ARHGEF26: variants seen among roughly 807,000 people sequenced by gnomAD.
ARHGEF26 encodes Rho guanine nucleotide exchange factor 26, also known as Rho guanine nucleotide exchange factor (GEF) 26.
ARHGEF26 carries 59 observed loss-of-function variants against 89.4 expected under a neutral mutation model. The observed-to-expected ratio is 0.66, with a 90% CI of 0.54 to 0.82. The LOEUF (loss-of-function observed/expected upper bound fraction) is 0.82, where lower values mean the gene tolerates loss of function less well. ARHGEF26 is among the 40% of genes least tolerant of loss of function. ARHGEF26 has a pLI of 0.00. For synonymous variants in ARHGEF26, 500 were observed against 428.4 expected (o/e 1.17, Z -2.06); for missense variants, 1,234 against 1,085.6 (o/e 1.14, Z -1.92).
intron 4 of ARHGEF26, among the ~76,000 whole-genome samples, chr3:154,137,413 A>C (rs138902228): frequency 2.9e-4 from 44 of 152,176 alleles, no homozygotes; most frequent in Non-Finnish European, 4.9e-4. Context: ...CTTAGCCTCT[A>C]TAACTGTAGG....
At chr3:154,226,660 T>TAC (rs3029724) in intron 11 of ARHGEF26, among the ~76,000 whole-genome samples, 5,701 of 148,070 alleles carry the variant, frequency 0.039, 129 homozygotes, top group African/African-American at 0.07. Context: ...GTTTCTGTTC[T>TAC]ACACACACAC....
chr3:154,122,991 G>A lies in ARHGEF26; in HGVS notation c.999G>A (p.Ser333=). 4 of 1,613,432 alleles carry A rather than the reference G, an allele frequency of 2.5e-6. No individual in the cohort carries two copies. The highest frequency in any genetic ancestry group is 3.4e-6 in the Non-Finnish European group (4 of 1,179,528). The change falls in exon 2 of 15, where the codon TCG becomes TCA. Residue 333 remains serine, a synonymous_variant. Transcript: ENST00000465093. ...TTGATTTTGACAGTCCTACCAGCTC[G>A]AAGAAGAAGAACAGAATGTCCCAGC... ...SGFDFDSPTS[S]KKKNRMSQPV...
intron 3 of ARHGEF26, among the ~76,000 whole-genome samples, chr3:154,126,030 A>C (rs1718311426): frequency 6.6e-6 from 1 of 152,176 alleles, no homozygotes; most frequent in South Asian, 2.1e-4. Flanking sequence ...ACTGTTGCCT[A>C]AGTTGTTGTG....
Position 154,152,769 on chromosome 3 carries a change from C to A in ARHGEF26, c.1327-3C>A. 1.4e-6 allele frequency: 2 copies of A among 1,458,064 alleles called. No homozygotes were observed. Among genetic ancestry groups the A allele is most frequent in the Non-Finnish European group, 1.8e-6 (2 of 1,103,474 alleles). The allele number at this position is 1,458,064 out of a possible 1,614,324, so 90.3% of individuals were successfully genotyped here. ...TAATACATTTCTTTTTCCTTCTTAC[C>A]AGGCTATCTTTGAAGTCATATCCTC... On this transcript the variant is annotated splice_region_variant and splice_polypyrimidine_tract_variant and intron_variant, in intron 5 of 14. Coordinates refer to ENST00000465093, the MANE Select transcript of ARHGEF26 (RefSeq NM_015595.4).
chr3:154,136,926 GGCTCACATTTA>G (rs1719045638), intron 4 of ARHGEF26, among the ~76,000 whole-genome samples: 3 of 152,000 alleles, frequency 2.0e-5, no homozygotes, highest in African/African-American at 7.3e-5. Context: ...TTTTATAACT[GGCTCACATTTA>G]GCTCACATCA....
Position 154,149,460 on chromosome 3 carries a change from A to G in ARHGEF26, c.1326+15A>G. 6.2e-7 allele frequency: 1 copy of G among 1,601,280 alleles called. No individual in the cohort carries two copies. Among genetic ancestry groups the G allele is most frequent in the Non-Finnish European group, 8.5e-7 (1 of 1,173,142 alleles). On this transcript the variant is annotated intron_variant, in intron 5 of 14. Transcript: ENST00000465093. ...AGAGACAAGAGGTATGTTTCTACCG[A>G]GCAGCTGCTTTAGAGCTCTGGAGTG...
chr3:154,177,125 T>G (rs1357012698), intron 6 of ARHGEF26, among the ~76,000 whole-genome samples: 1 of 152,218 alleles, frequency 6.6e-6, no homozygotes, highest in African/African-American at 2.4e-5. Context: ...AATTACTGAT[T>G]GGCAGCAGGA....
At chr3:154,193,168 C>A (rs927612017) in intron 8 of ARHGEF26, among the ~76,000 whole-genome samples, 1 of 152,118 alleles carries the variant, frequency 6.6e-6, no homozygotes, top group Non-Finnish European at 1.5e-5. Flanking sequence ...TGCCTGCTCT[C>A]AGGGACATAA....
At chr3:154,148,940 C>T (rs1246616675) in intron 4 of ARHGEF26, among the ~76,000 whole-genome samples, 1 of 152,106 alleles carries the variant, frequency 6.6e-6, no homozygotes, top group Non-Finnish European at 1.5e-5. Context: ...CTTAGTGATG[C>T]TAGCCCAACC....
At chr3:154,146,799 A>G (rs1352273160) in intron 4 of ARHGEF26, among the ~76,000 whole-genome samples, 1 of 152,244 alleles carries the variant, frequency 6.6e-6, no homozygotes, top group Non-Finnish European at 1.5e-5. Context: ...ATCCACTTAA[A>G]ATGCTGAAGA....
chr3:154,242,903 T>G (rs1301065385), intron 12 of ARHGEF26, among the ~76,000 whole-genome samples: 1 of 152,130 alleles, frequency 6.6e-6, no homozygotes, highest in Non-Finnish European at 1.5e-5. Context: ...GTTCTTCCCC[T>G]AAAGGTGCTG....
At chr3:154,210,840 G>A (rs1715318156) in intron 9 of ARHGEF26, among the ~76,000 whole-genome samples, 2 of 151,602 alleles carry the variant, frequency 1.3e-5, no homozygotes. Context: ...CTACTTGGGA[G>A]GCTGAGGCAG....
intron 6 of ARHGEF26, among the ~76,000 whole-genome samples, chr3:154,174,477 A>G (rs1231427305): frequency 1.3e-5 from 2 of 152,204 alleles, no homozygotes; most frequent in Admixed American, 6.5e-5. Context: ...GCACTCTTGA[A>G]GTTCCTCAGA....
Position 154,122,122 on chromosome 3 carries a change from A to G in ARHGEF26, c.130A>G (p.Asn44Asp). 1 of 1,607,954 alleles carries G rather than the reference A, an allele frequency of 6.2e-7. No individual in the cohort carries two copies. Among genetic ancestry groups the G allele is most frequent in the Non-Finnish European group, 8.5e-7 (1 of 1,177,220 alleles). The change falls in exon 2 of 15, where the codon AAC becomes GAC. Residue 44 changes from asparagine to aspartate, a missense_variant. Asn to Asp is a conservative substitution (Grantham distance 23). Transcript: ENST00000465093. Reference sequence around the variant, plus strand: ...GAGGCCCCAGTCCTACCAGAGCCCCAACGGGTTACTAATTACGGATTTCCC... The same window carrying G: ...GAGGCCCCAGTCCTACCAGAGCCCCGACGGGTTACTAATTACGGATTTCCC... Reference protein sequence around the residue: ...KPRPQSYQSPNGLLITDFPVE... With the variant: ...KPRPQSYQSPDGLLITDFPVE...
chr3:154,130,857 C>A (rs1194002449), intron 4 of ARHGEF26, among the ~76,000 whole-genome samples: 1 of 152,102 alleles, frequency 6.6e-6, no homozygotes, highest in Non-Finnish European at 1.5e-5. Context: ...ATTTAGGGAA[C>A]CCACTGGTGT....
chr3:154,224,408 T>C (rs889469894), intron 10 of ARHGEF26, among the ~76,000 whole-genome samples: 4 of 152,186 alleles, frequency 2.6e-5, no homozygotes, highest in Non-Finnish European at 5.9e-5. Context: ...TTAAAAACAA[T>C]AAAACAATTT....
intron 10 of ARHGEF26, 34 bp downstream of exon 10, chr3:154,217,992 C>G (rs747205848): frequency 1.3e-6 from 2 of 1,520,762 alleles, no homozygotes; most frequent in Non-Finnish European, 1.8e-6. Context: ...CTGTTCTTGC[C>G]TATGTTTTTC....
Position 154,206,581 on chromosome 3 carries a change from A to G in ARHGEF26, c.1846-11288A>G, listed in dbSNP as rs189083225. Among the ~76,000 whole-genome samples, 6 of 152,322 alleles carry G rather than the reference A, an allele frequency of 3.9e-5. No homozygotes were observed. In the East Asian group the frequency reaches 9.6e-4, roughly 24 times the overall value. On this transcript the variant is annotated intron_variant, in intron 9 of 14. Transcript: ENST00000465093. ...GGGAAGTAAGGACCTCTTCAAGGAG[A>G]ACTACAAACCACTGCCCAGAGAAAT...
At chr3:154,216,096 G>A (rs1219397294) in intron 9 of ARHGEF26, among the ~76,000 whole-genome samples, 1 of 151,888 alleles carries the variant, frequency 6.6e-6, no homozygotes, top group East Asian at 1.9e-4. Context: ...ACCTTTTATG[G>A]CCTATTTTAT....
Sources: gnomAD v4.1 joint callset for allele counts (sites outside exome capture counted in the v4.1 genomes callset) on GRCh38, gnomAD v4.1.1 for gene constraint, MANE v1.5 for transcripts, NCBI Gene and HGNC (gene_info 2026-07-23, HGNC 2026-07-21) for gene names.